Variants in KLHL14 observed in about 807,000 individuals in gnomAD.
KLHL14 encodes the protein kelch like family member 14.
A neutral mutation model predicts 64.3 loss-of-function variants in KLHL14; 22 were observed. That is an observed-to-expected ratio of 0.34 (90% CI 0.24 to 0.49). The LOEUF (loss-of-function observed/expected upper bound fraction) is 0.49. Among genes scored for constraint, KLHL14 ranks in the 20% least tolerant of loss-of-function variants. The pLI is 0.99. For missense variants in KLHL14, 661 were observed against 789.0 expected, an observed-to-expected ratio of 0.84 and a Z score of 1.94; for synonymous variants, 322 against 333.4, an observed-to-expected ratio of 0.97 and a Z score of 0.37.
intron 3 of KLHL14, among the ~76,000 whole-genome samples, chr18:32,712,010 C>T (rs1372485331): frequency 3.3e-5 from 5 of 152,166 alleles, no homozygotes; most frequent in African/African-American, 1.2e-4. Flanking sequence ...TTATCCTATT[C>T]TCTCAGATCG....
chr18:32,717,298 C>T (rs146208877), intron 3 of KLHL14, among the ~76,000 whole-genome samples: 326 of 152,244 alleles, frequency 2.1e-3, no homozygotes, highest in Non-Finnish European at 2.4e-3. Flanking sequence ...GTGAGAAAGA[C>T]AAGGGGAAGA....
intron 3 of KLHL14, among the ~76,000 whole-genome samples, chr18:32,711,009 A>T (rs1395523406): frequency 6.6e-6 from 1 of 152,190 alleles, no homozygotes; most frequent in African/African-American, 2.4e-5. Context: ...AGAGTTTAAG[A>T]AGGGGAGTAA....
At chr18:32,746,808 G>A (rs987967457) in intron 2 of KLHL14, among the ~76,000 whole-genome samples, 2 of 152,152 alleles carry the variant, frequency 1.3e-5, no homozygotes, top group Admixed American at 6.5e-5. Flanking sequence ...ATCTAGTTCC[G>A]TAATTCCCAG....
chr18:32,741,936 A>G lies in KLHL14; in HGVS notation c.1061T>C (p.Ile354Thr). 6.2e-7 allele frequency: 1 copy of G among 1,603,270 alleles called. No homozygotes were observed. Among genetic ancestry groups the G allele is most frequent in the Non-Finnish European group, 8.5e-7 (1 of 1,176,806 alleles). Residue 354 changes from isoleucine (I) to threonine (T), a missense_variant, in exon 3 of 9, where the codon ATA becomes ACA. Around this residue, in one of 2 missense-constraint regions of KLHL14, gnomAD observed 330 missense variants for 450.0 expected, o/e 0.73. Coordinates refer to ENST00000359358, the MANE Select transcript of KLHL14 (RefSeq NM_020805.3). ...YYDDEKKTWK[I>T]LTIMPYNSAH... The stretch of plus-strand genomic sequence containing the variant: ...ATAAATAATGCACTCACTTGTGAGT[A>G]TTTTCCATGTCTTCTTTTCATCGTC...
chr18:32,719,886 G>A (rs1184633421), intron 3 of KLHL14, among the ~76,000 whole-genome samples: 1 of 152,206 alleles, frequency 6.6e-6, no homozygotes, highest in African/African-American at 2.4e-5. Flanking sequence ...GTAATGGGAT[G>A]TGCTCCCTTC....
rs1598583584 is a variant in KLHL14, at chr18:32,769,982, G to A, written c.610C>T (p.Leu204=). The change falls in exon 2 of 9, where the codon CTG becomes TTG. Residue 204 remains leucine, a synonymous_variant. Transcript: ENST00000359358. ...TCCTCCACCAGGTACTTGTTGGCCA[G>A]CTTCTTGGTCTCCTCCAGGCCGTGC... The part of the protein sequence containing the change: ...ALHGLEETKK[L]ANKYLVEDVL... 2 of 1,614,212 alleles carry A rather than the reference G, an allele frequency of 1.2e-6. No individual in the cohort carries two copies. Among genetic ancestry groups the A allele is most frequent in the East Asian group, 4.5e-5 (2 of 44,872 alleles).
chr18:32,740,541 T>G (rs1342428268), intron 3 of KLHL14, among the ~76,000 whole-genome samples: 1 of 152,210 alleles, frequency 6.6e-6, no homozygotes, highest in African/African-American at 2.4e-5. Context: ...TCCATGTTTC[T>G]TTCTATCCAG....
chr18:32,693,160 C>T (rs542145734), intron 4 of KLHL14, among the ~76,000 whole-genome samples: 12 of 152,242 alleles, frequency 7.9e-5, no homozygotes, highest in East Asian at 5.8e-4. Flanking sequence ...CATCCCCCAC[C>T]TGGGGGAAGG....
chr18:32,742,000 C>T lies in KLHL14; in HGVS notation c.997G>A (p.Gly333Arg). 1 of 1,613,134 alleles carries T rather than the reference C, an allele frequency of 6.2e-7. No individual in the cohort carries two copies. Among genetic ancestry groups the T allele is most frequent in the Non-Finnish European group, 8.5e-7 (1 of 1,179,766 alleles). ...MLLLVGGLPPGPDRLPSNLVQ... is the reference protein window; with the variant it reads ...MLLLVGGLPPRPDRLPSNLVQ... Reference sequence around the variant, plus strand: ...AAATTGCTGGGGAGCCGGTCCGGTCCAGGAGGCAGCCCTCCAACCAATAAC... The same window carrying T: ...AAATTGCTGGGGAGCCGGTCCGGTCTAGGAGGCAGCCCTCCAACCAATAAC... The change falls in exon 3 of 9, where the codon GGA (glycine) becomes AGA (arginine). Residue 333 changes from glycine (G) to arginine (R), a missense_variant. Physicochemically the swap from Gly to Arg is moderately radical, Grantham distance 125 (BLOSUM62 -2). This residue lies in a region of KLHL14 where 330 missense variants were observed against 450.0 expected (regional missense o/e 0.73). Coordinates refer to ENST00000359358, the MANE Select transcript of KLHL14 (RefSeq NM_020805.3).
At chr18:32,679,743 T>A (rs866241004) in intron 7 of KLHL14, among the ~76,000 whole-genome samples, 2 of 152,186 alleles carry the variant, frequency 1.3e-5, no homozygotes, top group Non-Finnish European at 1.5e-5. Flanking sequence ...ATATTACCTT[T>A]AAAAAAATCA....
In KLHL14 at chr18:32,673,662, G is replaced by A. The variant is rs952306055; in HGVS notation, c.*995C>T. 1.1e-4 allele frequency: 17 copies of A among 152,290 alleles called. No homozygotes were observed. Among genetic ancestry groups the A allele is most frequent in the Middle Eastern group, 3.4e-3 (1 of 294 alleles). 9.4% of individuals were successfully genotyped at this position (152,290 alleles called of 1,614,324 possible). On this transcript the variant is annotated 3_prime_UTR_variant, in exon 9 of 9. Transcript: ENST00000359358. The stretch of plus-strand genomic sequence containing the variant: ...GCTATAATTGGCTCCTGTGGCTCTT[G>A]TAAGTTCTGTGTTTTAGAAACAGAA...
At chr18:32,723,321 C>T (rs981957855) in intron 3 of KLHL14, among the ~76,000 whole-genome samples, 11 of 152,148 alleles carry the variant, frequency 7.2e-5, no homozygotes, top group African/African-American at 2.7e-4. Context: ...TTGATTTTGA[C>T]CCTACAGATG....
intron 8 of KLHL14, among the ~76,000 whole-genome samples, chr18:32,675,456 GAC>G (rs1332324417): frequency 2.0e-5 from 3 of 152,092 alleles, no homozygotes; most frequent in Admixed American, 1.3e-4. Flanking sequence ...AAATAGTTAA[GAC>G]AATTATATTT....
At chr18:32,722,633 G>C (rs1436835748) in intron 3 of KLHL14, among the ~76,000 whole-genome samples, 1 of 152,038 alleles carries the variant, frequency 6.6e-6, no homozygotes, top group Non-Finnish European at 1.5e-5. Flanking sequence ...AGCTGGCGAA[G>C]AAAATCATGG....
At chr18:32,763,053 T>G (rs187488247) in intron 2 of KLHL14, among the ~76,000 whole-genome samples, 31 of 151,942 alleles carry the variant, frequency 2.0e-4, no homozygotes, top group Admixed American at 1.9e-3. Context: ...CCTTTAGTAC[T>G]TCAGTGCACA....
At chr18:32,678,404 G>A (rs2049821370) in intron 7 of KLHL14, among the ~76,000 whole-genome samples, 1 of 152,102 alleles carries the variant, frequency 6.6e-6, no homozygotes, top group Admixed American at 6.5e-5. Flanking sequence ...TCTTGAAGAG[G>A]TAGACAGGTT....
At chr18:32,734,045 T>G (rs1461491674) in intron 3 of KLHL14, 2 of 645,778 alleles carry the variant, frequency 3.1e-6, no homozygotes, top group African/African-American at 3.6e-5. Context: ...ACAATGAGCT[T>G]GATGATTTTG....
At chr18:32,735,147 G>C (rs1341958492) in intron 3 of KLHL14, among the ~76,000 whole-genome samples, 2 of 152,094 alleles carry the variant, frequency 1.3e-5, no homozygotes, top group Non-Finnish European at 2.9e-5. Context: ...AAGTACATTG[G>C]ATCCGTTTAG....
intron 5 of KLHL14, among the ~76,000 whole-genome samples, chr18:32,681,755 T>C (rs927779929): frequency 6.6e-6 from 1 of 152,178 alleles, no homozygotes. Flanking sequence ...GTGCTACAGG[T>C]TTTTATCAAG....
Sources: gnomAD v4.1 joint callset for allele counts (sites outside exome capture counted in the v4.1 genomes callset) on GRCh38, gnomAD v4.1.1 for gene constraint, gnomAD v4.1.1 regional missense constraint, MANE v1.5 for transcripts, NCBI Gene and HGNC (gene_info 2026-07-23, HGNC 2026-07-21) for gene names.